Variants in GABRA4 observed in about 807,000 individuals in gnomAD.
The protein encoded by GABRA4 is gamma-aminobutyric acid receptor subunit alpha-4.
Under a neutral mutation model 49.7 loss-of-function variants are expected in GABRA4, and 12 were observed. The ratio of observed to expected loss-of-function variants is 0.24; its 90% CI spans 0.15 to 0.39. The LOEUF is 0.39. Among genes scored for constraint, GABRA4 ranks in the 10% least tolerant of loss-of-function variants. The pLI, the probability that GABRA4 is intolerant of heterozygous loss-of-function variation, is 1.00. For synonymous variants in GABRA4, 288 were observed against 240.2 expected, an observed-to-expected ratio of 1.20 and a Z score of -1.84; for missense variants, 506 against 686.0, an observed-to-expected ratio of 0.74 and a Z score of 2.93.
chr4:46,974,032 TACTA>T (rs2109389044), intron 6 of GABRA4, among the ~76,000 whole-genome samples, 196 bp downstream of exon 6: 1 of 152,022 alleles, frequency 6.6e-6, no homozygotes, highest in East Asian at 1.9e-4. Context: ...TTTAGCATCT[TACTA>T]AATCAGAATT....
At chr4:46,932,689 G>T (rs1303768938) in intron 8 of GABRA4, among the ~76,000 whole-genome samples, 1 of 152,116 alleles carries the variant, frequency 6.6e-6, no homozygotes, top group Non-Finnish European at 1.5e-5. Flanking sequence ...TAGTACAAAA[G>T]ATCATGAAAG....
rs551324338 is a variant in GABRA4, at chr4:46,961,877, G to A, written c.1134+3093C>T. The stretch of plus-strand genomic sequence containing the variant: ...GAAGAGGAAAGAGAGTGAGAGGGGC[G>A]CTGCTTGTTTGCTTCTATGTTTTTA... On this transcript the variant is annotated intron_variant, in intron 8 of 8. Transcript: ENST00000264318. Among the ~76,000 whole-genome samples the A allele has an allele frequency of 1.6e-4, 24 of 151,814 alleles. 1 individual carries two copies. Among genetic ancestry groups the A allele is most frequent in the African/African-American group, 5.3e-4 (22 of 41,460 alleles).
intron 8 of GABRA4, among the ~76,000 whole-genome samples, chr4:46,951,727 G>T (rs1722177286): frequency 6.6e-6 from 1 of 150,772 alleles, no homozygotes. Flanking sequence ...TAGGAAATTT[G>T]TTATATATAT....
At chr4:46,949,884 G>T (rs907993410) in intron 8 of GABRA4, among the ~76,000 whole-genome samples, 3 of 151,980 alleles carry the variant, frequency 2.0e-5, no homozygotes, top group Non-Finnish European at 2.9e-5. Context: ...TAACAAATAG[G>T]ATTCACCATA....
At chr4:46,948,711 C>T (rs1203780509) in intron 8 of GABRA4, among the ~76,000 whole-genome samples, 1 of 152,000 alleles carries the variant, frequency 6.6e-6, no homozygotes, top group African/African-American at 2.4e-5. Flanking sequence ...AAAAGTCCAG[C>T]ATGTATTTTC....
At position 46,923,076 on chromosome 4, in the gene GABRA4, T is replaced by A. The variant is rs979692616; in HGVS notation, c.*5149A>T. The A allele has an allele frequency of 6.6e-6, 1 of 152,092 alleles. No homozygotes were observed. Among genetic ancestry groups the A allele is most frequent in the Non-Finnish European group, 1.5e-5 (1 of 68,036 alleles). The allele number at this position is 152,092 out of a possible 1,614,324, so 9.4% of individuals were successfully genotyped here. Reference sequence around the variant, plus strand: ...GATGATCTGAGATGGAACAATTTCATCTGAAAACCATTCCCCCACCCTCAC... The same window carrying A: ...GATGATCTGAGATGGAACAATTTCAACTGAAAACCATTCCCCCACCCTCAC... On this transcript the variant is annotated 3_prime_UTR_variant, in exon 9 of 9. Coordinates refer to ENST00000264318, the MANE Select transcript of GABRA4 (RefSeq NM_000809.4).
chr4:46,932,286 A>C (rs1379085714), intron 8 of GABRA4, among the ~76,000 whole-genome samples: 3 of 152,136 alleles, frequency 2.0e-5, no homozygotes, highest in African/African-American at 7.2e-5. Context: ...TTATTCCATT[A>C]CCTCATTTTC....
intron 5 of GABRA4, among the ~76,000 whole-genome samples, chr4:46,976,689 A>T (rs1010564665): frequency 9.2e-5 from 14 of 151,450 alleles, no homozygotes; most frequent in African/African-American, 3.4e-4. Context: ...CTATCTATCT[A>T]TCTGAAGTGA....
chr4:46,976,597 G>T (rs1723147533), intron 5 of GABRA4, among the ~76,000 whole-genome samples: 1 of 151,712 alleles, frequency 6.6e-6, no homozygotes, highest in Non-Finnish European at 1.5e-5. Context: ...GTGTCAGGAA[G>T]CTCTGAACCT....
At chr4:46,975,027 A>G (rs144416221) in intron 5 of GABRA4, among the ~76,000 whole-genome samples, 3 of 151,950 alleles carry the variant, frequency 2.0e-5, no homozygotes, top group African/African-American at 7.2e-5. Context: ...TTCCCCTTAC[A>G]TCTTCAACAA....
intron 8 of GABRA4, among the ~76,000 whole-genome samples, chr4:46,946,941 T>C (rs1722002517): frequency 6.6e-6 from 1 of 152,120 alleles, no homozygotes; most frequent in African/African-American, 2.4e-5. Flanking sequence ...GAGTTCTAGT[T>C]ATGCCGTGGA....
intron 2 of GABRA4, among the ~76,000 whole-genome samples, chr4:46,981,223 G>A (rs892454364): frequency 3.3e-5 from 5 of 152,132 alleles, no homozygotes; most frequent in Admixed American, 1.3e-4. Context: ...AATATCATAC[G>A]TATTTCAGGG....
chr4:46,961,821 T>C (rs559118074), intron 8 of GABRA4, among the ~76,000 whole-genome samples: 11 of 151,102 alleles, frequency 7.3e-5, no homozygotes, highest in Admixed American at 2.0e-4. Context: ...GAGAAGGAGA[T>C]AGGTGAGTAG....
At chr4:46,957,877 A>G (rs1250693321) in intron 8 of GABRA4, among the ~76,000 whole-genome samples, 1 of 152,024 alleles carries the variant, frequency 6.6e-6, no homozygotes, top group Non-Finnish European at 1.5e-5. Context: ...AGTTGTTAGA[A>G]TTCAAGTATA....
chr4:46,931,412 CA>C (rs375506782), intron 8 of GABRA4, among the ~76,000 whole-genome samples: 7 of 152,226 alleles, frequency 4.6e-5, no homozygotes, highest in African/African-American at 1.7e-4. Flanking sequence ...CCCCCCAAAA[CA>C]AAGTATTAAA....
intron 7 of GABRA4, among the ~76,000 whole-genome samples, chr4:46,968,349 C>T: frequency 6.6e-6 from 1 of 150,614 alleles, no homozygotes; most frequent in East Asian, 2.0e-4. Flanking sequence ...GGCACATGGG[C>T]ACAAAAGATG....
chr4:46,951,790 GTGTA>G (rs1722181034), intron 8 of GABRA4, among the ~76,000 whole-genome samples: 3 of 116,304 alleles, frequency 2.6e-5, no homozygotes, highest in South Asian at 5.9e-4. Context: ...ATATATATGT[GTGTA>G]CGTGTGTGTG....
At chr4:46,976,989 TA>T in intron 5 of GABRA4, 71 bp downstream of exon 5, 2 of 855,690 alleles carry the variant, frequency 2.3e-6, no homozygotes, top group Non-Finnish European at 3.8e-6. Context: ...TTATGAAAAA[TA>T]AAATACATGT....
chr4:46,944,729 GA>G (rs1384631631), intron 8 of GABRA4, among the ~76,000 whole-genome samples: 1 of 151,860 alleles, frequency 6.6e-6, no homozygotes, highest in African/African-American at 2.4e-5. Context: ...GGTTTATTCT[GA>G]CACCCCACCA....
Sources: allele counts gnomAD v4.1 joint callset (sites outside exome capture counted in the v4.1 genomes callset), GRCh38; gene constraint gnomAD v4.1.1; transcripts MANE v1.5; gene names NCBI Gene and HGNC (gene_info 2026-07-23, HGNC 2026-07-21).